The following SULF1 variants were observed in gnomAD, a reference collection of about 807,000 sequenced individuals.
The protein encoded by SULF1 is sulfatase 1, also known as extracellular sulfatase Sulf-1.
In SULF1, 46 loss-of-function variants were observed where a neutral mutation model predicts 110.5. The ratio of observed to expected loss-of-function variants is 0.42; its 90% CI spans 0.33 to 0.53. The LOEUF is 0.53. Ranked by LOEUF, SULF1 falls within the 20% of genes least tolerant of loss-of-function variation. The pLI is 0.12. For missense variants in SULF1, 941 were observed against 1,094.2 expected, an observed-to-expected ratio of 0.86 and a Z score of 1.98; for synonymous variants, 371 against 387.1, an observed-to-expected ratio of 0.96 and a Z score of 0.49.
At chr8:69,474,423 C>A (rs1343028839) in intron 1 of SULF1, among the ~76,000 whole-genome samples, 1 of 152,212 alleles carries the variant, frequency 6.6e-6, no homozygotes, top group Non-Finnish European at 1.5e-5. Flanking sequence ...AATAATCAAT[C>A]TTCTCCTGAA....
chr8:69,478,180 A>G (rs899631765), intron 1 of SULF1, among the ~76,000 whole-genome samples: 1 of 152,140 alleles, frequency 6.6e-6, no homozygotes, highest in Admixed American at 6.5e-5. Flanking sequence ...ACTAAAAAGA[A>G]TGGTTGGAGG....
At chr8:69,481,918 C>T (rs945428686) in intron 1 of SULF1, among the ~76,000 whole-genome samples, 2 of 152,090 alleles carry the variant, frequency 1.3e-5, no homozygotes, top group Non-Finnish European at 2.9e-5. Flanking sequence ...ATAAAGTATG[C>T]CATTTTCACT....
chr8:69,621,872 C>A (rs1162324268), intron 14 of SULF1, among the ~76,000 whole-genome samples: 1 of 152,168 alleles, frequency 6.6e-6, no homozygotes, highest in Non-Finnish European at 1.5e-5. Flanking sequence ...CGGGCTGACA[C>A]CCTCCACGAA....
In SULF1 at chr8:69,540,378, G is replaced by T. The variant is rs542509664; in HGVS notation, c.-133-23161G>T. Among the ~76,000 whole-genome samples, 31 of 152,328 alleles carry T rather than the reference G, an allele frequency of 2.0e-4. 1 individual carries two copies. In the South Asian group the frequency reaches 4.6e-3, roughly 22 times the overall value. On this transcript the variant is annotated intron_variant, in intron 3 of 22. Coordinates refer to ENST00000402687, the MANE Select transcript of SULF1 (RefSeq NM_001128205.2). The stretch of plus-strand genomic sequence containing the variant: ...GCATTTATAAAATGTTTCACTCATT[G>T]TAAGTCATTTGGTATAATTACAATG...
At chr8:69,491,864 G>A (rs1464968020), upstream of SULF1, among the ~76,000 whole-genome samples, 2 of 152,150 alleles carry the variant, frequency 1.3e-5, no homozygotes, top group East Asian at 1.9e-4. Context: ...AATGACAACA[G>A]AGAAACAGAG....
At chr8:69,523,290 TCTC>T (rs1355391648) in intron 3 of SULF1, among the ~76,000 whole-genome samples, 3 of 152,048 alleles carry the variant, frequency 2.0e-5, no homozygotes, top group Non-Finnish European at 2.9e-5. Flanking sequence ...CTGTGGAAGT[TCTC>T]CTCCAGTTGC....
chr8:69,489,577 T>G (rs1809840377), upstream of SULF1, among the ~76,000 whole-genome samples: 1 of 140,220 alleles, frequency 7.1e-6, no homozygotes, highest in Non-Finnish European at 1.6e-5. Flanking sequence ...TTCTCTTTTT[T>G]TTTTTTTTTT....
intron 3 of SULF1, among the ~76,000 whole-genome samples, chr8:69,539,283 A>G (rs1165124790): frequency 2.0e-5 from 3 of 152,134 alleles, no homozygotes; most frequent in Admixed American, 6.5e-5. Context: ...ACTTTTTTTT[A>G]GTCTACCGAA....
At chr8:69,484,825 C>CTTT (rs1554557584) in intron 1 of SULF1, among the ~76,000 whole-genome samples, 1 of 148,832 alleles carries the variant, frequency 6.7e-6, no homozygotes, top group Non-Finnish European at 1.5e-5. Flanking sequence ...TTTCATCTTC[C>CTTT]TCTTCTTCTT....
chr8:69,577,008 C>G (rs764575180), intron 6 of SULF1, among the ~76,000 whole-genome samples: 5 of 152,224 alleles, frequency 3.3e-5, no homozygotes, highest in Non-Finnish European at 5.9e-5. Context: ...ATCTTTCCCA[C>G]TGGACTCAGG....
At chr8:69,613,637 C>G (rs1808846171) in intron 13 of SULF1, among the ~76,000 whole-genome samples, 1 of 152,108 alleles carries the variant, frequency 6.6e-6, no homozygotes, top group South Asian at 2.1e-4. Context: ...AGTCACACAG[C>G]TAGAAGAATG....
intron 16 of SULF1, 58 bp from the exon 17 acceptor site, chr8:69,627,714 T>C (rs1362326288): frequency 1.7e-6 from 2 of 1,158,176 alleles, no homozygotes; most frequent in South Asian, 1.4e-5. Flanking sequence ...AAAAGAAAAG[T>C]ACTTTGTAAA....
intron 19 of SULF1, among the ~76,000 whole-genome samples, chr8:69,633,448 C>T (rs957546839): frequency 5.3e-5 from 8 of 151,710 alleles, no homozygotes; most frequent in African/African-American, 1.9e-4. Context: ...CTTGCCTCAG[C>T]CTCCCAAGTA....
rs143950524 is a variant in SULF1, at chr8:69,658,468, C to T, written c.2586-37C>T. 3 of 1,510,880 alleles carry T rather than the reference C, an allele frequency of 2.0e-6. No individual in the cohort carries two copies. In the East Asian group the frequency reaches 6.8e-5, roughly 34 times the overall value. 93.6% of individuals were successfully genotyped at this position (1,510,880 alleles called of 1,614,324 possible). A position where few individuals can be genotyped will look rare whatever the true frequency, so the allele number is the denominator to read the frequency against. ...TGTCCAGGTAAGTAGAAAGCCTTTT[C>T]TCCACTAATGATTCACCTTCTTCTC... is the stretch of plus-strand genomic sequence containing the variant. On this transcript the variant is annotated intron_variant, in intron 22 of 22. Transcript: ENST00000402687.
chr8:69,528,933 T>C (rs1212550519), intron 3 of SULF1, among the ~76,000 whole-genome samples: 2 of 152,178 alleles, frequency 1.3e-5, no homozygotes, highest in Non-Finnish European at 2.9e-5. Context: ...GAAGGAACTA[T>C]AGCAGAGTTA....
At chr8:69,494,238 A>G (rs1810162925) in intron 1 of SULF1, among the ~76,000 whole-genome samples, 1 of 152,238 alleles carries the variant, frequency 6.6e-6, no homozygotes, top group Non-Finnish European at 1.5e-5. Context: ...TGTGAAAACC[A>G]TGTATAGTAT....
In SULF1 at chr8:69,638,541, C is replaced by G. The variant is rs1409051110; in HGVS notation, c.2324C>G (p.Thr775Ser). ...GCTTGCACGAGTTCTAACAATAACA[C>G]CTACTGGTGTTTGCGTACAGTTAAT... is the stretch of plus-strand genomic sequence containing the variant. ...FCACTSSNNN[T>S]YWCLRTVNET... The change falls in exon 20 of 23, where the codon ACC (threonine) becomes AGC (serine). Residue 775 changes from threonine to serine, a missense_variant. Physicochemically the swap from Thr to Ser is moderately conservative, Grantham distance 58. Around this residue, in one of 3 missense-constraint regions of SULF1, gnomAD observed 112 missense variants for 133.5 expected, o/e 0.84. Coordinates refer to ENST00000402687, the MANE Select transcript of SULF1 (RefSeq NM_001128205.2). 6.2e-7 allele frequency: 1 copy of G among 1,613,738 alleles called. No homozygotes were observed. Among genetic ancestry groups the G allele is most frequent in the Non-Finnish European group, 8.5e-7 (1 of 1,179,952 alleles).
intron 22 of SULF1, among the ~76,000 whole-genome samples, chr8:69,644,757 T>C (rs1052569923): frequency 1.0e-5 from 1 of 96,944 alleles, no homozygotes; most frequent in Non-Finnish European, 1.9e-5. Flanking sequence ...GGAGACGCCG[T>C]CTCAAAAAAA....
intron 2 of SULF1, among the ~76,000 whole-genome samples, chr8:69,500,872 C>A (rs775867461): frequency 3.4e-4 from 52 of 152,214 alleles, no homozygotes; most frequent in Middle Eastern, 3.4e-3. Flanking sequence ...GTGAATCCTG[C>A]AGCACCAGGC....
Sources: allele counts gnomAD v4.1 joint callset (sites outside exome capture counted in the v4.1 genomes callset), GRCh38; gene constraint gnomAD v4.1.1; regional missense constraint gnomAD v4.1.1; transcripts MANE v1.5; gene names NCBI Gene and HGNC (gene_info 2026-07-23, HGNC 2026-07-21).